The following LRP1B variants were observed in gnomAD, a reference collection of about 807,000 sequenced individuals.
LRP1B encodes the protein LDL receptor related protein 1B, also known as low-density lipoprotein receptor-related protein 1B.
Under a neutral mutation model 556.6 loss-of-function variants are expected in LRP1B, and 217 were observed. The observed-to-expected ratio is 0.39, with a 90% CI of 0.35 to 0.44. The LOEUF (loss-of-function observed/expected upper bound fraction) is 0.44. Among genes scored for constraint, LRP1B ranks in the 20% least tolerant of loss-of-function variants. The pLI is 1.00. For synonymous variants in LRP1B, 2,047 were observed against 1,865.8 expected, an observed-to-expected ratio of 1.10 and a Z score of -2.50; for missense variants, 5,053 against 5,620.8, an observed-to-expected ratio of 0.90 and a Z score of 3.23.
Position 141,423,825 on chromosome 2 carries a change from T to TAA in LRP1B, c.343+56569_343+56570dup, listed in dbSNP as rs34237592. ...CATTATTATCTTTTTCCCTGTCTAT[T>TAA]AAAAAAAAAAACCCTACATTTACAC... On this transcript the variant is annotated intron_variant, in intron 3 of 90. Transcript: ENST00000389484. 3.8e-3 allele frequency among the ~76,000 whole-genome samples: 573 copies of TAA among 149,560 alleles called. 6 individuals carry two copies. Among genetic ancestry groups the TAA allele is most frequent in the Non-Finnish European group, 6.2e-3 (416 of 67,416 alleles).
intron 1 of LRP1B, among the ~76,000 whole-genome samples, chr2:142,115,546 TA>T (rs1559079612): frequency 1.9e-4 from 7 of 37,274 alleles, no homozygotes; most frequent in South Asian, 5.2e-4. Flanking sequence ...ACATATGTAA[TA>T]TATATATTAT....
At chr2:140,687,704 A>G (rs1318358071) in intron 41 of LRP1B, among the ~76,000 whole-genome samples, 1 of 152,122 alleles carries the variant, frequency 6.6e-6, no homozygotes, top group African/African-American at 2.4e-5. Context: ...TTTCTGGTAA[A>G]GCTTGTTTAT....
chr2:141,065,405 T>C (rs941896465), intron 7 of LRP1B, among the ~76,000 whole-genome samples: 1 of 151,992 alleles, frequency 6.6e-6, no homozygotes, highest in Non-Finnish European at 1.5e-5. Flanking sequence ...GATAATGTTC[T>C]TTATAGAAAA....
chr2:140,797,621 A>T (rs1690362932), intron 32 of LRP1B, among the ~76,000 whole-genome samples: 1 of 152,132 alleles, frequency 6.6e-6, no homozygotes, highest in South Asian at 2.1e-4. Context: ...GCTTTCAATA[A>T]ATGTTATAGA....
intron 7 of LRP1B, among the ~76,000 whole-genome samples, chr2:141,078,758 A>G (rs1324749476): frequency 6.6e-6 from 1 of 152,224 alleles, no homozygotes; most frequent in East Asian, 1.9e-4. Context: ...TGGGTCTACT[A>G]ACCAGAATTT....
intron 7 of LRP1B, among the ~76,000 whole-genome samples, chr2:141,089,723 A>ACC (rs1700131372): frequency 6.6e-6 from 1 of 152,112 alleles, no homozygotes; most frequent in South Asian, 2.1e-4. Context: ...TTTATATACT[A>ACC]CCTCCCATCG....
At chr2:141,308,518 T>A (rs1368545924) in intron 3 of LRP1B, among the ~76,000 whole-genome samples, 1 of 152,176 alleles carries the variant, frequency 6.6e-6, no homozygotes, top group African/African-American at 2.4e-5. Context: ...CTACTATAAT[T>A]TTTCATTTTC....
At chr2:140,873,521 A>T (rs140820283) in intron 25 of LRP1B, among the ~76,000 whole-genome samples, 2 of 152,240 alleles carry the variant, frequency 1.3e-5, no homozygotes, top group Non-Finnish European at 2.9e-5. Context: ...GAACAAGGAC[A>T]GCTTGGAGGT....
chr2:142,016,048 A>G (rs1298579244), intron 1 of LRP1B, among the ~76,000 whole-genome samples: 1 of 149,028 alleles, frequency 6.7e-6, no homozygotes, highest in Non-Finnish European at 1.5e-5. Context: ...TTCTCAAAAG[A>G]AGACATTTAT....
At chr2:141,473,699 G>T (rs567689955) in intron 3 of LRP1B, among the ~76,000 whole-genome samples, 6 of 152,074 alleles carry the variant, frequency 3.9e-5, no homozygotes, top group Non-Finnish European at 8.8e-5. Flanking sequence ...CCACTTCTTT[G>T]TTTCTTAGCT....
chr2:141,363,998 T>G (rs1228015069), intron 3 of LRP1B, among the ~76,000 whole-genome samples: 1 of 152,114 alleles, frequency 6.6e-6, no homozygotes, highest in African/African-American at 2.4e-5. Context: ...TTCTAGGGTT[T>G]TATGGATTTG....
chr2:141,804,038 G>A (rs1011080449), intron 2 of LRP1B, among the ~76,000 whole-genome samples: 2 of 152,130 alleles, frequency 1.3e-5, no homozygotes, highest in African/African-American at 4.8e-5. Context: ...GTACCCAAGA[G>A]ACTTGTTCTT....
At chr2:140,624,264 A>G (rs537077643) in intron 41 of LRP1B, among the ~76,000 whole-genome samples, 30 of 152,194 alleles carry the variant, frequency 2.0e-4, no homozygotes, top group Non-Finnish European at 3.4e-4. Flanking sequence ...CAGACTGTAT[A>G]TACCATGCAA....
rs1199797374 is a variant in LRP1B, at chr2:141,212,434, A to T, written c.850+16749T>A. On this transcript the variant is annotated intron_variant, in intron 6 of 90. Transcript: ENST00000389484. ...GCTGGGACTACAGGCTTCCACCACC[A>T]CGCCCGGATAATTTTTTTTTTTTTG... 2.0e-5 allele frequency among the ~76,000 whole-genome samples: 3 copies of T among 147,130 alleles called. No individual in the cohort carries two copies. In the East Asian group the frequency reaches 6.0e-4, roughly 29 times the overall value.
chr2:140,257,330 T>C (rs1238455737), intron 86 of LRP1B, among the ~76,000 whole-genome samples: 3 of 152,192 alleles, frequency 2.0e-5, no homozygotes, highest in Non-Finnish European at 4.4e-5. Context: ...AGTTAAGAGT[T>C]ATACAAATAA....
At chr2:140,928,678 A>G (rs1169702570) in intron 20 of LRP1B, among the ~76,000 whole-genome samples, 4 of 152,126 alleles carry the variant, frequency 2.6e-5, no homozygotes, top group Non-Finnish European at 2.9e-5. Flanking sequence ...AATAACTAGA[A>G]ATACATTGTC....
intron 1 of LRP1B, among the ~76,000 whole-genome samples, chr2:142,116,177 A>G (rs1707266051): frequency 8.4e-6 from 1 of 118,902 alleles, no homozygotes; most frequent in East Asian, 2.6e-4. Context: ...TGGGTGACAG[A>G]GCGAGAGTCT....
intron 1 of LRP1B, among the ~76,000 whole-genome samples, chr2:141,811,400 C>T (rs1696352339): frequency 6.6e-6 from 1 of 151,738 alleles, no homozygotes; most frequent in South Asian, 2.1e-4. Context: ...GATATGAAAG[C>T]ATTAGGCCAT....
intron 1 of LRP1B, among the ~76,000 whole-genome samples, chr2:142,031,170 GCTTT>G (rs1039662481): frequency 4.0e-5 from 6 of 151,490 alleles, no homozygotes; most frequent in African/African-American, 1.2e-4. Flanking sequence ...ATATGATATA[GCTTT>G]CTTTCTTCTT....
Sources: gnomAD v4.1 joint callset for allele counts (sites outside exome capture counted in the v4.1 genomes callset) on GRCh38, gnomAD v4.1.1 for gene constraint, MANE v1.5 for transcripts, NCBI Gene and HGNC (gene_info 2026-07-23, HGNC 2026-07-21) for gene names.